The following CDC5L variants were observed in gnomAD, a reference collection of about 807,000 sequenced individuals.
CDC5L encodes the protein cell division cycle 5 like, also known as cell division cycle 5-like protein.
Under a neutral mutation model 104.1 loss-of-function variants are expected in CDC5L, and 18 were observed. The ratio of observed to expected loss-of-function variants is 0.17; its 90% CI spans 0.12 to 0.26. CDC5L has a LOEUF of 0.26. CDC5L is among the 10% of genes least tolerant of loss of function. The probability of loss-of-function intolerance (pLI) is 1.00; values close to 1 mark genes in which losing one functional copy is unlikely to be tolerated. For missense variants in CDC5L, 673 were observed against 956.9 expected (o/e 0.70, Z 3.91); for synonymous variants, 331 against 322.7 (o/e 1.03, Z -0.28).
At chr6:44,426,317 C>T in intron 12 of CDC5L, 134 bp downstream of exon 12, 1 of 772,784 alleles carries the variant, frequency 1.3e-6, no homozygotes, top group South Asian at 2.0e-5. Context: ...GTTCTCAAAT[C>T]CAATCTTTAA....
At chr6:44,445,903 T>C (rs371396988) in intron 15 of CDC5L, 36 bp downstream of exon 15, 5 of 1,489,770 alleles carry the variant, frequency 3.4e-6, no homozygotes, top group Non-Finnish European at 4.7e-6. Context: ...TTAAAAAGAG[T>C]GCTGCAAAGA....
chr6:44,395,695 A>G (rs1790838828), intron 4 of CDC5L, among the ~76,000 whole-genome samples: 1 of 152,212 alleles, frequency 6.6e-6, no homozygotes, highest in Non-Finnish European at 1.5e-5. Flanking sequence ...GAGTCAGTAC[A>G]TCTGGGGTGG....
chr6:44,419,865 C>T (rs974615183), intron 9 of CDC5L, among the ~76,000 whole-genome samples: 7 of 151,940 alleles, frequency 4.6e-5, no homozygotes, highest in African/African-American at 7.3e-5. Flanking sequence ...CTCTGCCTCC[C>T]GGGTTCAAGC....
At chr6:44,424,104 T>G (rs1290778986) in intron 10 of CDC5L, among the ~76,000 whole-genome samples, 1 of 152,084 alleles carries the variant, frequency 6.6e-6, no homozygotes, top group Non-Finnish European at 1.5e-5. Context: ...GCTGATTTTT[T>G]TTGAGACTTT....
At chr6:44,426,421 G>C in intron 12 of CDC5L, 61 bp from the exon 13 acceptor site, 1 of 992,702 alleles carries the variant, frequency 1.0e-6, no homozygotes, top group Non-Finnish European at 1.5e-6. Flanking sequence ...GCTGTAACAG[G>C]TAATAACATT....
At chr6:44,411,637 A>AGAGAGAGTGTGTGTGTGT in intron 8 of CDC5L, among the ~76,000 whole-genome samples, 1 of 123,646 alleles carries the variant, frequency 8.1e-6, no homozygotes, top group African/African-American at 3.0e-5. Context: ...AGAGAGAGAG[A>AGAGAGAGTGTGTGTGTGT]GTGTGTGTGT....
intron 8 of CDC5L, 115 bp from the exon 9 acceptor site, chr6:44,419,334 T>C: frequency 2.2e-6 from 2 of 898,510 alleles, no homozygotes; most frequent in South Asian, 1.7e-5. Context: ...TTAGCTTTCA[T>C]TGAGAAAATG....
intron 3 of CDC5L, 70 bp from the exon 4 acceptor site, chr6:44,393,376 C>G: frequency 6.9e-7 from 1 of 1,440,400 alleles, no homozygotes; most frequent in Non-Finnish European, 9.4e-7. Context: ...ATCGTCAGAA[C>G]TTGGAAATCT....
At chr6:44,442,358 TTGTGTGTG>T (rs946844966) in intron 14 of CDC5L, among the ~76,000 whole-genome samples, 1 of 148,450 alleles carries the variant, frequency 6.7e-6, no homozygotes, top group Non-Finnish European at 1.5e-5. Context: ...CCTCTCTTGC[TTGTGTGTG>T]TGTGTATGTT....
intron 14 of CDC5L, among the ~76,000 whole-genome samples, chr6:44,442,459 C>CT: frequency 6.6e-6 from 1 of 150,684 alleles, no homozygotes; most frequent in South Asian, 2.1e-4. Context: ...CTTTTTATCT[C>CT]TTGTCTGTCT....
intron 5 of CDC5L, among the ~76,000 whole-genome samples, chr6:44,402,261 A>G (rs1342006782): frequency 6.6e-5 from 10 of 151,298 alleles, no homozygotes; most frequent in East Asian, 5.8e-4. Flanking sequence ...ACTAGTTTAC[A>G]GTCCCACCAA....
chr6:44,414,677 A>G (rs972665171), intron 8 of CDC5L, among the ~76,000 whole-genome samples: 5 of 152,168 alleles, frequency 3.3e-5, no homozygotes, highest in Admixed American at 2.6e-4. Flanking sequence ...TATTCTGGAT[A>G]TAAGTTCCTT....
chr6:44,446,535 G>T, intron 15 of CDC5L, 72 bp from the exon 16 acceptor site: 1 of 602,902 alleles, frequency 1.7e-6, no homozygotes, highest in Non-Finnish European at 2.8e-6. Context: ...TGGTTTTTAA[G>T]ATAATAAAGT....
At chr6:44,406,732 G>A (rs1409298623) in intron 7 of CDC5L, among the ~76,000 whole-genome samples, 1 of 152,076 alleles carries the variant, frequency 6.6e-6, no homozygotes, top group Non-Finnish European at 1.5e-5. Context: ...TGCCCAGCAT[G>A]GTGAAACCCT....
rs139366205 is a variant in CDC5L, at chr6:44,430,990, G to A, written c.2091+1080G>A. The stretch of plus-strand genomic sequence containing the variant: ...AAATCGTCTTGGTTTCCTCTTTTAT[G>A]TGATTACCAGTTTCTCTTTACAAAA... On this transcript the variant is annotated intron_variant, in intron 14 of 15. Transcript: ENST00000371477. Among the ~76,000 whole-genome samples, 531 of 152,266 alleles carry A rather than the reference G, an allele frequency of 3.5e-3. 5 individuals carry two copies. Among genetic ancestry groups the A allele is most frequent in the South Asian group, 0.014 (69 of 4,816 alleles).
chr6:44,414,942 G>A (rs1791843251), intron 8 of CDC5L, among the ~76,000 whole-genome samples: 1 of 152,068 alleles, frequency 6.6e-6, no homozygotes, highest in Non-Finnish European at 1.5e-5. Context: ...TCCACTTTGA[G>A]TTAGTTTTTT....
intron 4 of CDC5L, among the ~76,000 whole-genome samples, chr6:44,395,605 G>A (rs1171387521): frequency 6.6e-6 from 1 of 152,184 alleles, no homozygotes; most frequent in Non-Finnish European, 1.5e-5. Context: ...CCAAAGGCAG[G>A]CTGTGGCTAG....
intron 11 of CDC5L, 70 bp downstream of exon 11, chr6:44,424,653 G>A: frequency 1.4e-6 from 2 of 1,446,912 alleles, no homozygotes; most frequent in Non-Finnish European, 1.9e-6. Context: ...ATGAAGAATA[G>A]CCATTAAATG....
chr6:44,388,036 C>T (rs1456172334), intron 1 of CDC5L, among the ~76,000 whole-genome samples, 168 bp downstream of exon 1: 4 of 152,034 alleles, frequency 2.6e-5, no homozygotes, highest in Non-Finnish European at 5.9e-5. Flanking sequence ...CCGTGTTGTG[C>T]GAGCGCCAGT....
Sources: allele counts gnomAD v4.1 joint callset (sites outside exome capture counted in the v4.1 genomes callset), GRCh38; gene constraint gnomAD v4.1.1; transcripts MANE v1.5; gene names NCBI Gene and HGNC (gene_info 2026-07-23, HGNC 2026-07-21).